MTA3: variants seen among roughly 807,000 people sequenced by gnomAD.
MTA3 encodes metastasis-associated protein MTA3.
MTA3 carries 34 observed loss-of-function variants against 83.5 expected under a neutral mutation model. That is an observed-to-expected ratio of 0.41 (90% CI 0.31 to 0.54). The LOEUF is 0.54. Among genes scored for constraint, MTA3 ranks in the 20% least tolerant of loss-of-function variants. The pLI is 0.33. For missense variants in MTA3, 761 were observed against 726.4 expected, an observed-to-expected ratio of 1.05 and a Z score of -0.55; for synonymous variants, 303 against 252.7, an observed-to-expected ratio of 1.20 and a Z score of -1.89.
At chr2:42,656,051 G>A (rs1689145193) in intron 6 of MTA3, 149 bp from the exon 7 acceptor site, 2 of 570,270 alleles carry the variant, frequency 3.5e-6, no homozygotes, top group Non-Finnish European at 6.2e-6. Context: ...ACGAGGTGTT[G>A]TACATCTACG....
At chr2:42,503,105 G>A (rs1212161238) in intron 2 of MTA3, among the ~76,000 whole-genome samples, 2 of 152,190 alleles carry the variant, frequency 1.3e-5, no homozygotes, top group African/African-American at 4.8e-5. Context: ...TGTTAGAGAA[G>A]TAATGGATTA....
chr2:42,699,348 C>T (rs910850120), intron 11 of MTA3, among the ~76,000 whole-genome samples: 84 of 152,078 alleles, frequency 5.5e-4, no homozygotes, highest in Admixed American at 4.9e-3. Flanking sequence ...ACTATAGGCA[C>T]GCACCACCAC....
chr2:42,495,393 T>C (rs1674085338), intron 2 of MTA3: 1 of 152,362 alleles, frequency 6.6e-6, no homozygotes, highest in African/African-American at 2.4e-5. Flanking sequence ...ACAGGAGTTA[T>C]TTGCTACTTT....
intron 2 of MTA3, among the ~76,000 whole-genome samples, chr2:42,507,045 C>A (rs182260628): frequency 6.6e-6 from 1 of 152,178 alleles, no homozygotes; most frequent in Non-Finnish European, 1.5e-5. Context: ...GCTGGAGTAG[C>A]ATGCGTGATC....
chr2:42,621,770 T>C (rs527790864), intron 4 of MTA3, among the ~76,000 whole-genome samples: 1 of 148,606 alleles, frequency 6.7e-6, no homozygotes, highest in African/African-American at 2.5e-5. Context: ...GCTCTTCACT[T>C]CTCAGACGGG....
rs1183339592 is a variant in MTA3 at position 42,682,388 on chromosome 2, T to A, written c.703-13T>A. 1 of 1,550,934 alleles carries A rather than the reference T, an allele frequency of 6.4e-7. No homozygotes were observed. The highest frequency in any genetic ancestry group is 8.8e-7 in the Non-Finnish European group (1 of 1,142,512). On this transcript the variant is annotated splice_polypyrimidine_tract_variant and intron_variant, in intron 8 of 16. Coordinates refer to ENST00000405094, the MANE Select transcript of MTA3 (RefSeq NM_001330442.2). The stretch of plus-strand genomic sequence containing the variant: ...TTTCTGGTTGATATTTTCTGTTCAT[T>A]TTGTTTCTTTAGTTTCACGCTATGG...
chr2:42,598,326 A>G (rs1218677074), intron 3 of MTA3, among the ~76,000 whole-genome samples: 1 of 151,896 alleles, frequency 6.6e-6, no homozygotes, highest in African/African-American at 2.4e-5. Context: ...CGGCCTCCCA[A>G]AGTGCTGGGA....
intron 16 of MTA3, among the ~76,000 whole-genome samples, chr2:42,734,988 G>A (rs1342821904): frequency 6.6e-6 from 1 of 152,152 alleles, no homozygotes; most frequent in Non-Finnish European, 1.5e-5. Context: ...GTCAAGATAT[G>A]AGTAGTTTAC....
At chr2:42,690,590 A>AT (rs1055518518) in intron 9 of MTA3, among the ~76,000 whole-genome samples, 5 of 140,198 alleles carry the variant, frequency 3.6e-5, no homozygotes, top group African/African-American at 1.3e-4. Context: ...CTTTTTAAAC[A>AT]TTTTTTTCTT....
intron 8 of MTA3, among the ~76,000 whole-genome samples, chr2:42,671,605 A>G (rs889801191): frequency 6.6e-6 from 1 of 152,220 alleles, no homozygotes; most frequent in Non-Finnish European, 1.5e-5. Flanking sequence ...CCTTGGCTGT[A>G]GCACATATCT....
At chr2:42,689,136 GATTAATTTATGATTGTTGAAAACAACC>G (rs955528448) in intron 9 of MTA3, among the ~76,000 whole-genome samples, 7 of 152,146 alleles carry the variant, frequency 4.6e-5, no homozygotes, top group Non-Finnish European at 1.0e-4. Context: ...GAATAACATT[GATTAATTTATGATTGTTGAAAACAACC>G]AGTGTACCTG....
intron 8 of MTA3, among the ~76,000 whole-genome samples, chr2:42,679,375 A>T (rs1691663305): frequency 6.6e-6 from 1 of 152,154 alleles, no homozygotes; most frequent in African/African-American, 2.4e-5. Flanking sequence ...TATAAGTTAC[A>T]ATTGGGGTAA....
chr2:42,609,136 T>C (rs1683869873), intron 3 of MTA3, among the ~76,000 whole-genome samples: 1 of 151,080 alleles, frequency 6.6e-6, no homozygotes, highest in Non-Finnish European at 1.5e-5. Flanking sequence ...ATTCAAGCAG[T>C]TCTCCTGCCT....
chr2:42,730,205 C>CT (rs1018915468), intron 16 of MTA3, among the ~76,000 whole-genome samples: 6 of 151,402 alleles, frequency 4.0e-5, no homozygotes, highest in Non-Finnish European at 7.4e-5. Flanking sequence ...AATTTGATGA[C>CT]TTTTTTTTTC....
chr2:42,540,170 ATTT>A (rs70963328), intron 2 of MTA3, among the ~76,000 whole-genome samples: 3 of 125,414 alleles, frequency 2.4e-5, no homozygotes, highest in Non-Finnish European at 3.3e-5. Flanking sequence ...AACTTTGTAG[ATTT>A]TTTTTTTTTT....
At chr2:42,644,643 T>C (rs1688005923) in intron 6 of MTA3, among the ~76,000 whole-genome samples, 1 of 152,228 alleles carries the variant, frequency 6.6e-6, no homozygotes, top group Non-Finnish European at 1.5e-5. Flanking sequence ...GTAAGTCATT[T>C]GGTGCCATTT....
At chr2:42,536,412 T>C (rs979424156) in intron 2 of MTA3, among the ~76,000 whole-genome samples, 1 of 145,222 alleles carries the variant, frequency 6.9e-6, no homozygotes, top group African/African-American at 2.6e-5. Flanking sequence ...GAGGCGGAGG[T>C]TGCAGTGAGC....
At chr2:42,504,172 C>T (rs1159892172) in intron 2 of MTA3, among the ~76,000 whole-genome samples, 2 of 152,040 alleles carry the variant, frequency 1.3e-5, no homozygotes, top group Admixed American at 6.6e-5. Context: ...TCAGGTGATC[C>T]ATCCGCCTTG....
At chr2:42,710,010 T>C (rs1666463690) in intron 14 of MTA3, among the ~76,000 whole-genome samples, 1 of 152,226 alleles carries the variant, frequency 6.6e-6, no homozygotes, top group Non-Finnish European at 1.5e-5. Context: ...GCTAGCATGT[T>C]AGAGCCGTGC....
Sources: allele counts gnomAD v4.1 joint callset (sites outside exome capture counted in the v4.1 genomes callset), GRCh38; gene constraint gnomAD v4.1.1; transcripts MANE v1.5; gene names NCBI Gene and HGNC (gene_info 2026-07-23, HGNC 2026-07-21).